CEP290: variants seen among roughly 807,000 people sequenced by gnomAD.
CEP290 encodes the protein centrosomal protein of 290 kDa.
CEP290 carries 317 observed loss-of-function variants against 344.9 expected under a neutral mutation model. The observed-to-expected ratio is 0.92, with a 90% CI of 0.84 to 1.01. The LOEUF is 1.01. Among genes scored for constraint, CEP290 ranks in the 50% least tolerant of loss-of-function variants. The pLI is 0.00. For synonymous variants in CEP290, 932 were observed against 895.8 expected (o/e 1.04, Z -0.72); for missense variants, 2,754 against 2,761.4 (o/e 1.00, Z 0.06).
chr12:88,083,749 A>G (rs2036362678), intron 36 of CEP290, 98 bp downstream of exon 36: 1 of 774,756 alleles, frequency 1.3e-6, no homozygotes, highest in Non-Finnish European at 2.1e-6. Flanking sequence ...TTGGCAACAA[A>G]AAGGGTAACT....
chr12:88,115,297 A>C, intron 18 of CEP290, 115 bp from the exon 19 acceptor site: 1 of 715,396 alleles, frequency 1.4e-6, no homozygotes, highest in Non-Finnish European at 2.2e-6. Flanking sequence ...AACAAAAAAA[A>C]CGAGCTATGA....
Position 88,121,011 on chromosome 12 carries a change from T to C in CEP290, c.1345A>G (p.Lys449Glu), listed in dbSNP as rs747463477. The C allele has an allele frequency of 2.2e-5, 35 of 1,611,576 alleles. No individual in the cohort carries two copies. The East Asian group carries it at 7.8e-4, about 36-fold the overall frequency. Residue 449 changes from lysine (K) to glutamate (E), a missense_variant, in exon 14 of 54, where the codon AAA becomes GAA. Physicochemically the swap from Lys to Glu is moderately conservative, Grantham distance 56. Transcript: ENST00000552810. ...KELVEALKRL[K>E]DYESGVYGLE... ...AAAATACATACCGATTCATAATCTT[T>C]TAACCTCTTCAGAGCCTCAACTAAT...
intron 40 of CEP290, 134 bp downstream of exon 40, chr12:88,077,563 A>G (rs886640985): frequency 4.3e-6 from 3 of 698,900 alleles, no homozygotes; most frequent in African/African-American, 1.8e-5. Context: ...AAGTCACAAA[A>G]GAAATTAATT....
At position 88,079,222 on chromosome 12, in the gene CEP290, C is replaced by T; in HGVS notation, c.5234G>A (p.Ser1745Asn). The T allele has an allele frequency of 6.3e-7, 1 of 1,581,810 alleles. No homozygotes were observed. Among genetic ancestry groups the T allele is most frequent in the Middle Eastern group, 1.7e-4 (1 of 5,994 alleles). ...ALKEKQQKAL[S>N]RALLELRAEM... ...TGCCCGGAGTTCTAAAAGTGCCCGA[C>T]TAAGTGCCTAAAAATTAACCAAAAA... The change falls in exon 39 of 54, where the codon AGT becomes AAT. Residue 1745 changes from serine (S) to asparagine (N), a missense_variant. Transcript: ENST00000552810.
In CEP290 at chr12:88,093,754, A is replaced by C. The variant is rs1400483491; in HGVS notation, c.3309+16T>G. 1 of 1,558,148 alleles carries C rather than the reference A, an allele frequency of 6.4e-7. No homozygotes were observed. Among genetic ancestry groups the C allele is most frequent in the East Asian group, 2.3e-5 (1 of 43,308 alleles). ...CTTTATTCTATAATTGTATGATAAA[A>C]CTTATAATATCAAACCTCAGCAAAT... On this transcript the variant is annotated intron_variant, in intron 28 of 53. Transcript: ENST00000552810.
chr12:88,102,246 T>G (rs1047332731), intron 26 of CEP290, among the ~76,000 whole-genome samples: 3 of 152,198 alleles, frequency 2.0e-5, no homozygotes, highest in African/African-American at 4.8e-5. Context: ...CTACTCTAGT[T>G]TTTTTATTTT....
Position 88,089,778 on chromosome 12 carries a change from G to A in CEP290, c.3574-291C>T, listed in dbSNP as rs572357621. Among the ~76,000 whole-genome samples the A allele has an allele frequency of 4.0e-5, 6 of 148,964 alleles. 1 individual carries two copies. Among genetic ancestry groups the A allele is most frequent in the African/African-American group, 1.5e-4 (6 of 40,284 alleles). The stretch of plus-strand genomic sequence containing the variant: ...GTTTCACTCTGTCACCCAAGCTGGA[G>A]TGCAATGGCGTGATTTTGGCTCACT... On this transcript the variant is annotated intron_variant, in intron 30 of 53. Transcript: ENST00000552810.
Position 88,129,047 on chromosome 12 carries a change from A to C in CEP290, c.853-12T>G. 1 of 785,832 alleles carries C rather than the reference A, an allele frequency of 1.3e-6. No homozygotes were observed. Among genetic ancestry groups the C allele is most frequent in the Non-Finnish European group, 1.7e-6 (1 of 574,898 alleles). The allele number at this position is 785,832 out of a possible 1,614,324, so 48.7% of individuals were successfully genotyped here. A position where few individuals can be genotyped will look rare whatever the true frequency, so the allele number is the denominator to read the frequency against. ...GTAAGCTCCTGCACCTAAAAGACAA[A>C]GTTATTTCAAGAGTTGTTGCAAACT... On this transcript the variant is annotated splice_polypyrimidine_tract_variant and intron_variant, in intron 10 of 53. Transcript: ENST00000552810.
chr12:88,089,632 C>A (rs2036866329), intron 30 of CEP290, 145 bp from the exon 31 acceptor site: 1 of 523,506 alleles, frequency 1.9e-6, no homozygotes, highest in African/African-American at 2.0e-5. Context: ...TGCTTTAATA[C>A]AAATAATTAC....
At chr12:88,108,043 G>C (rs532507984) in intron 23 of CEP290, among the ~76,000 whole-genome samples, 1 of 151,846 alleles carries the variant, frequency 6.6e-6, no homozygotes, top group African/African-American at 2.4e-5. Context: ...GTATAGCATA[G>C]TATATACATA....
At position 88,080,226 on chromosome 12, in the gene CEP290, C is replaced by A. The variant is rs370119681; in HGVS notation, c.5182G>T (p.Glu1728Ter). 21 of 1,612,854 alleles carry A rather than the reference C, an allele frequency of 1.3e-5. No individual in the cohort carries two copies. Among genetic ancestry groups the A allele is most frequent in the Non-Finnish European group, 1.8e-5 (21 of 1,179,352 alleles). ...AAGGCTAATTGGCTCTTTAGCCGTT[C>A]TACTAGATTTCTCATTGTAGTTGTT... ...APTTTMRNLVERLKSQLALKE... is the reference protein window; with the variant it reads ...APTTTMRNLV The change falls in exon 38 of 54, where the codon GAA becomes TAA. Residue 1728 changes from glutamate to a stop codon, truncating the protein, a stop_gained. Transcript: ENST00000552810. LOFTEE classifies it high-confidence loss of function.
intron 37 of CEP290, among the ~76,000 whole-genome samples, chr12:88,081,071 C>T (rs1449335431): frequency 6.6e-6 from 1 of 152,056 alleles, no homozygotes; most frequent in Admixed American, 6.6e-5. Flanking sequence ...CTACTAGTAA[C>T]ATTTTTGACT....
intron 41 of CEP290, among the ~76,000 whole-genome samples, chr12:88,075,864 T>C (rs1240828564): frequency 1.3e-5 from 2 of 152,212 alleles, no homozygotes; most frequent in Non-Finnish European, 2.9e-5. Flanking sequence ...ATGGATGTGA[T>C]GGCTTACAAA....
chr12:88,131,960 C>T (rs1223765660), intron 6 of CEP290, among the ~76,000 whole-genome samples: 2 of 152,074 alleles, frequency 1.3e-5, no homozygotes, highest in Non-Finnish European at 2.9e-5. Context: ...AAAATCACAC[C>T]GGCCTAGGTT....
intron 5 of CEP290, among the ~76,000 whole-genome samples, chr12:88,138,322 A>G (rs2040453678): frequency 6.6e-6 from 1 of 152,212 alleles, no homozygotes; most frequent in South Asian, 2.1e-4. Context: ...CTACCTAGCT[A>G]AACACTAACA....
Position 88,080,274 on chromosome 12 carries a change from T to C in CEP290, c.5134A>G (p.Lys1712Glu), listed in dbSNP as rs1241267572. The change falls in exon 38 of 54, where the codon AAA (lysine) becomes GAA (glutamate). Residue 1712 changes from lysine to glutamate, a missense_variant. Transcript: ENST00000552810. ...GTTGGAGCTCTTGAATTTGCTTCTT[T>C]TTGAGCCTGAAGTTCAGATTTTAAA... ...QCLKSELQAQ[K>E]EANSRAPTTT... The C allele has an allele frequency of 3.7e-6, 6 of 1,613,886 alleles. No individual in the cohort carries two copies. Among genetic ancestry groups the C allele is most frequent in the Admixed American group, 3.3e-5 (2 of 59,984 alleles).
At chr12:88,141,770 C>G (rs555682409) in intron 1 of CEP290, 130 bp downstream of exon 1, 1 of 152,990 alleles carries the variant, frequency 6.5e-6, no homozygotes, top group East Asian at 1.9e-4. Flanking sequence ...GAAACTGGAA[C>G]CGAAGCAAGG....
chr12:88,077,338 G>A lies in CEP290; in HGVS notation c.5593C>T (p.Pro1865Ser). The change falls in exon 41 of 54, where the codon CCC becomes TCC. Residue 1865 changes from proline (P) to serine (S), a missense_variant. Pro to Ser is a moderately conservative substitution (Grantham distance 74). Transcript: ENST00000552810. ...KRLTSGLQGK[P>S]LTDNKQSLIE... ...AGACTTTGTTTATTATCTGTCAGGGGTTTGCCCTAAAAAATAAAATGTAAC... is the reference window on the plus strand; with the variant it reads ...AGACTTTGTTTATTATCTGTCAGGGATTTGCCCTAAAAAATAAAATGTAAC... 6.6e-7 allele frequency: 1 copy of A among 1,516,644 alleles called. No individual in the cohort carries two copies. The highest frequency in any genetic ancestry group is 1.7e-4 in the Middle Eastern group (1 of 5,720). 93.9% of individuals were successfully genotyped at this position (1,516,644 alleles called of 1,614,324 possible). A position where few individuals can be genotyped will look rare whatever the true frequency, so the allele number is the denominator to read the frequency against.
rs1168283001 is a variant in CEP290 at position 88,096,912 on chromosome 12, C to A, written c.3079G>T (p.Ala1027Ser). Residue 1027 changes from alanine (A) to serine (S), a missense_variant, in exon 27 of 54, where the codon GCC becomes TCC. Transcript: ENST00000552810. ...CCTAATTTAGTTTCCTGTTCCCAGG[C>A]TTGTTCAATAGTGTGAAGTTTTTCC... Reference protein sequence around the residue: ...TKEKLHTIEQAWEQETKLGNE... With the variant: ...TKEKLHTIEQSWEQETKLGNE... 6.4e-7 allele frequency: 1 copy of A among 1,572,912 alleles called. No individual in the cohort carries two copies. The highest frequency in any genetic ancestry group is 2.3e-5 in the East Asian group (1 of 43,872).
Sources: allele counts gnomAD v4.1 joint callset (sites outside exome capture counted in the v4.1 genomes callset), GRCh38; gene constraint gnomAD v4.1.1; transcripts MANE v1.5; gene names NCBI Gene and HGNC (gene_info 2026-07-23, HGNC 2026-07-21).